PPP3CA: variants seen among roughly 807,000 people sequenced by gnomAD.
The protein encoded by PPP3CA is CAM-PRP catalytic subunit.
In PPP3CA, 14 loss-of-function variants were observed where a neutral mutation model predicts 66.5. That is an observed-to-expected ratio of 0.21 (90% CI 0.14 to 0.33). The LOEUF is 0.33. Ranked by LOEUF, PPP3CA falls within the 10% of genes least tolerant of loss-of-function variation. The pLI is 1.00. For missense variants in PPP3CA, 317 were observed against 639.5 expected (o/e 0.50, Z 5.44); for synonymous variants, 232 against 226.2 (o/e 1.03, Z -0.23).
At chr4:101,144,588 T>C (rs1722912453) in intron 2 of PPP3CA, among the ~76,000 whole-genome samples, 1 of 152,208 alleles carries the variant, frequency 6.6e-6, no homozygotes, top group Non-Finnish European at 1.5e-5. Flanking sequence ...GTTCTTGCTT[T>C]ACACATGCAT....
At chr4:101,213,579 C>A (rs1030949255) in intron 1 of PPP3CA, among the ~76,000 whole-genome samples, 1 of 151,974 alleles carries the variant, frequency 6.6e-6, no homozygotes, top group African/African-American at 2.4e-5. Context: ...TTAAAAAAAC[C>A]CAACAACCAT....
At chr4:101,280,437 T>C (rs973584362) in intron 1 of PPP3CA, among the ~76,000 whole-genome samples, 2 of 152,204 alleles carry the variant, frequency 1.3e-5, no homozygotes, top group African/African-American at 4.8e-5. Context: ...TGTGGACAAG[T>C]TAATTTAGAC....
intron 1 of PPP3CA, among the ~76,000 whole-genome samples, chr4:101,274,970 T>C (rs1727444416): frequency 6.6e-6 from 1 of 152,208 alleles, no homozygotes; most frequent in African/African-American, 2.4e-5. Context: ...ATTGACATCT[T>C]TTTTATTAAT....
intron 1 of PPP3CA, among the ~76,000 whole-genome samples, chr4:101,200,505 A>G (rs1724934187): frequency 6.6e-6 from 1 of 152,180 alleles, no homozygotes; most frequent in Admixed American, 6.6e-5. Context: ...CAGGCTACCT[A>G]CTGCCTCACC....
rs1467503630 is a variant in PPP3CA, at chr4:101,346,804, T to C, written c.-8A>G. ...TGCCTTGGGCTCGGACATCTCCAGC[T>C]GCCGGAGGACAGCGACGCGCTGCTC... On this transcript the variant is annotated 5_prime_UTR_variant, in exon 1 of 14. Coordinates refer to ENST00000394854, the MANE Select transcript of PPP3CA (RefSeq NM_000944.5). 6.2e-7 allele frequency: 1 copy of C among 1,610,056 alleles called. No individual in the cohort carries two copies. The highest frequency in any genetic ancestry group is 8.5e-7 in the Non-Finnish European group (1 of 1,178,642).
chr4:101,156,739 T>G (rs1353808964), intron 2 of PPP3CA, among the ~76,000 whole-genome samples: 1 of 152,104 alleles, frequency 6.6e-6, no homozygotes, highest in Non-Finnish European at 1.5e-5. Flanking sequence ...GCAATTTGGC[T>G]AGATTTGAAA....
At chr4:101,048,041 C>T (rs368933334) in intron 10 of PPP3CA, among the ~76,000 whole-genome samples, 2 of 152,020 alleles carry the variant, frequency 1.3e-5, no homozygotes, top group East Asian at 3.9e-4. Flanking sequence ...AAGGAGACTT[C>T]CTAGACACTA....
At chr4:101,029,384 C>T (rs544400913) in intron 12 of PPP3CA, among the ~76,000 whole-genome samples, 189 bp from the exon 13 acceptor site, 2 of 135,294 alleles carry the variant, frequency 1.5e-5, no homozygotes, top group African/African-American at 5.7e-5. Context: ...AAAAAAAATG[C>T]CACAGAAATT....
At chr4:101,125,317 T>C (rs966877398) in intron 2 of PPP3CA, among the ~76,000 whole-genome samples, 3 of 152,234 alleles carry the variant, frequency 2.0e-5, no homozygotes, top group Admixed American at 6.5e-5. Flanking sequence ...CTCTGCACTT[T>C]GATCTTACTT....
At chr4:101,306,808 T>C (rs1309014154) in intron 1 of PPP3CA, among the ~76,000 whole-genome samples, 1 of 152,204 alleles carries the variant, frequency 6.6e-6, no homozygotes, top group East Asian at 1.9e-4. Flanking sequence ...GCTTATTTTG[T>C]GAAGGTATAC....
intron 1 of PPP3CA, among the ~76,000 whole-genome samples, chr4:101,261,855 C>T (rs941439853): frequency 4.0e-5 from 6 of 151,736 alleles, no homozygotes; most frequent in African/African-American, 1.4e-4. Context: ...TTCCCCTCTC[C>T]CCCCACCCAA....
At chr4:101,290,597 A>T (rs1727992824) in intron 1 of PPP3CA, among the ~76,000 whole-genome samples, 1 of 152,226 alleles carries the variant, frequency 6.6e-6, no homozygotes, top group Non-Finnish European at 1.5e-5. Context: ...AGCGATCAAA[A>T]CAGGCAAAAA....
intron 1 of PPP3CA, among the ~76,000 whole-genome samples, chr4:101,227,995 A>C (rs571389343): frequency 1.3e-5 from 2 of 151,630 alleles, no homozygotes; most frequent in South Asian, 4.1e-4. Flanking sequence ...GGTTGACTTC[A>C]TGTCTTTGCT....
At chr4:101,345,263 C>T (rs1388856747) in intron 1 of PPP3CA, among the ~76,000 whole-genome samples, 1 of 152,130 alleles carries the variant, frequency 6.6e-6, no homozygotes, top group Admixed American at 6.5e-5. Context: ...CCATCACCAC[C>T]ACCACTCACA....
intron 1 of PPP3CA, among the ~76,000 whole-genome samples, chr4:101,277,369 T>G (rs1727535335): frequency 6.6e-6 from 1 of 152,180 alleles, no homozygotes. Context: ...GTGTACGGGT[T>G]TTTGCGTGGA....
chr4:101,222,357 T>A (rs1195487796), intron 1 of PPP3CA, among the ~76,000 whole-genome samples: 1 of 151,622 alleles, frequency 6.6e-6, no homozygotes. Flanking sequence ...TTTGTAAAAC[T>A]TTCCACCCTC....
Position 101,179,850 on chromosome 4 carries a change from G to A in PPP3CA, c.259+16066C>T, listed in dbSNP as rs558884168. Among the ~76,000 whole-genome samples, 16 of 152,142 alleles carry A rather than the reference G, an allele frequency of 1.1e-4. No homozygotes were observed. In the East Asian group the frequency reaches 2.3e-3, roughly 22 times the overall value. On this transcript the variant is annotated intron_variant, in intron 2 of 13. Coordinates refer to ENST00000394854, the MANE Select transcript of PPP3CA (RefSeq NM_000944.5). ...CTAACTGACCCACTCCACCATCACT[G>A]TCCTAAATTTCTAATGTTTTACTGT...
At chr4:101,235,667 T>G (rs187327623) in intron 1 of PPP3CA, among the ~76,000 whole-genome samples, 2 of 151,976 alleles carry the variant, frequency 1.3e-5, no homozygotes, top group Admixed American at 1.3e-4. Context: ...TTCATTAATA[T>G]AGCATATTAT....
chr4:101,285,405 A>G (rs574182481), intron 1 of PPP3CA, among the ~76,000 whole-genome samples: 1 of 150,274 alleles, frequency 6.7e-6, no homozygotes, highest in East Asian at 1.9e-4. Flanking sequence ...CTGTAAATAA[A>G]TGGAATACAA....
Sources: allele counts gnomAD v4.1 joint callset (sites outside exome capture counted in the v4.1 genomes callset), GRCh38; gene constraint gnomAD v4.1.1; transcripts MANE v1.5; gene names NCBI Gene and HGNC (gene_info 2026-07-23, HGNC 2026-07-21).